UNC13C: variants seen among roughly 807,000 people sequenced by gnomAD.
The protein encoded by UNC13C is unc-13 homolog C.
UNC13C carries 174 observed loss-of-function variants against 245.4 expected under a neutral mutation model. The ratio of observed to expected loss-of-function variants is 0.71; its 90% CI spans 0.63 to 0.80. The LOEUF is 0.80. UNC13C is among the 30% of genes least tolerant of loss of function. UNC13C has a pLI of 0.00. For missense variants in UNC13C, 2,829 were observed against 2,602.9 expected (o/e 1.09, Z -1.89); for synonymous variants, 992 against 895.1 (o/e 1.11, Z -1.93).
chr15:54,167,374 C>T (rs1283598469), intron 4 of UNC13C, among the ~76,000 whole-genome samples: 1 of 150,956 alleles, frequency 6.6e-6, no homozygotes, highest in African/African-American at 2.4e-5. Context: ...TGATGGTGGG[C>T]GCCTGTAGTC....
At chr15:54,073,714 C>T (rs1418999262) in intron 2 of UNC13C, among the ~76,000 whole-genome samples, 1 of 152,128 alleles carries the variant, frequency 6.6e-6, no homozygotes, top group Non-Finnish European at 1.5e-5. Context: ...CCTTTGCCTA[C>T]TTTTTGATGG....
chr15:54,313,335 C>T (rs554574049), intron 13 of UNC13C, among the ~76,000 whole-genome samples: 1 of 151,776 alleles, frequency 6.6e-6, no homozygotes, highest in East Asian at 2.0e-4. Context: ...ACATCAATAC[C>T]TTTAGTTTAT....
intron 2 of UNC13C, among the ~76,000 whole-genome samples, chr15:54,056,420 A>G (rs1221088349): frequency 1.3e-5 from 2 of 152,190 alleles, no homozygotes; most frequent in East Asian, 3.9e-4. Context: ...AAAAAGAATA[A>G]AAAGAAATGC....
Position 54,508,118 on chromosome 15 carries a change from G to C in UNC13C, c.5379+924G>C, listed in dbSNP as rs113792972. Among the ~76,000 whole-genome samples the C allele has an allele frequency of 3.4e-3, 519 of 151,724 alleles. 3 individuals are homozygous for C. Among genetic ancestry groups the C allele is most frequent in the African/African-American group, 0.012 (495 of 41,298 alleles). On this transcript the variant is annotated intron_variant, in intron 23 of 32. Coordinates refer to ENST00000260323, the MANE Select transcript of UNC13C (RefSeq NM_001080534.3). ...CCCAGAAATTTTATTAGAACTTTTT[G>C]ACAACTCAAACAATTATTTCTTATT... is the stretch of plus-strand genomic sequence containing the variant.
intron 13 of UNC13C, among the ~76,000 whole-genome samples, chr15:54,303,210 T>C (rs79634986): frequency 0.018 from 2,774 of 152,246 alleles, 92 homozygotes; most frequent in African/African-American, 0.064. Flanking sequence ...TCAACCATAA[T>C]AGAGTCTGTG....
intron 30 of UNC13C, among the ~76,000 whole-genome samples, chr15:54,593,069 T>C (rs904210919): frequency 6.6e-6 from 1 of 152,176 alleles, no homozygotes; most frequent in African/African-American, 2.4e-5. Context: ...TATATGATGC[T>C]TGGTTTCACT....
At chr15:54,574,803 C>T (rs1179853202) in intron 30 of UNC13C, among the ~76,000 whole-genome samples, 1 of 151,994 alleles carries the variant, frequency 6.6e-6, no homozygotes, top group Non-Finnish European at 1.5e-5. Context: ...TTTTAAGTTT[C>T]TTAACATTAA....
intron 2 of UNC13C, among the ~76,000 whole-genome samples, chr15:54,125,561 C>T (rs546025953): frequency 2.5e-4 from 38 of 152,202 alleles, no homozygotes; most frequent in Admixed American, 7.9e-4. Flanking sequence ...GGTAACTTTT[C>T]CAATTCACAA....
rs142345362 is a variant in UNC13C at position 54,062,054 on chromosome 15, T to G, written c.2983+46168T>G. ...TCCATCCTCAGTCGGGCGTGGTGGCTCACACCTGTAATCCCAGCAGTTTGG... is the reference window on the plus strand; with the variant it reads ...TCCATCCTCAGTCGGGCGTGGTGGCGCACACCTGTAATCCCAGCAGTTTGG... On this transcript the variant is annotated intron_variant, in intron 2 of 32. Transcript: ENST00000260323. Among the ~76,000 whole-genome samples, 651 of 151,936 alleles carry G rather than the reference T, an allele frequency of 4.3e-3. 6 individuals are homozygous for G. The highest frequency in any genetic ancestry group is 0.015 in the African/African-American group (611 of 41,428).
rs140101913 is a variant in UNC13C at position 54,011,621 on chromosome 15, C to T, written c.-256-1027C>T. Among the ~76,000 whole-genome samples the T allele has an allele frequency of 7.0e-4, 107 of 152,210 alleles. 2 individuals carry two copies. The East Asian group carries it at 0.014, about 21-fold the overall frequency. Reference sequence around the variant, plus strand: ...CATTTTTATTAGTAGAAAATAGGTCCTGGTTTGTGTTTGTGAATGAATACC... The same window carrying T: ...CATTTTTATTAGTAGAAAATAGGTCTTGGTTTGTGTTTGTGAATGAATACC... On this transcript the variant is annotated intron_variant, in intron 1 of 32. Coordinates refer to ENST00000260323, the MANE Select transcript of UNC13C (RefSeq NM_001080534.3).
chr15:54,550,903 C>T (rs62022206), intron 28 of UNC13C, among the ~76,000 whole-genome samples: 9,574 of 152,182 alleles, frequency 0.063, 406 homozygotes, highest in Admixed American at 0.13. Context: ...ATAGGTCTTA[C>T]TACAAAAGAA....
chr15:54,147,797 T>TGTGTGTGTGTGTGA (rs2032342019), intron 4 of UNC13C, among the ~76,000 whole-genome samples: 1 of 151,570 alleles, frequency 6.6e-6, no homozygotes, highest in Non-Finnish European at 1.5e-5. Context: ...TGCGTGTGTG[T>TGTGTGTGTGTGTGA]GTGTGTGTGT....
chr15:54,007,932 C>A (rs1895215761), intron 1 of UNC13C, among the ~76,000 whole-genome samples: 1 of 152,138 alleles, frequency 6.6e-6, no homozygotes, highest in Admixed American at 6.5e-5. Flanking sequence ...TCTTCTTTGT[C>A]TGTCTTGAAA....
chr15:54,398,420 A>G (rs572163536), intron 18 of UNC13C, among the ~76,000 whole-genome samples: 1 of 151,346 alleles, frequency 6.6e-6, no homozygotes, highest in African/African-American at 2.4e-5. Flanking sequence ...ATTTTCTTAT[A>G]GTGCCTTTTT....
At position 54,264,306 on chromosome 15, in the gene UNC13C, C is replaced by A; in HGVS notation, c.3587C>A (p.Ser1196Tyr). The change falls in exon 9 of 33, where the codon TCT (serine) becomes TAT (tyrosine). Residue 1196 changes from serine (S) to tyrosine (Y), a missense_variant. By Grantham distance (144) the Ser-to-Tyr change is moderately radical. Coordinates refer to ENST00000260323, the MANE Select transcript of UNC13C (RefSeq NM_001080534.3). ...FEVIQEMFQI[S>Y]KEDFVQFTKA... is the part of the protein sequence containing the mutation. The stretch of plus-strand genomic sequence containing the variant: ...GTAATCCAGGAAATGTTTCAGATTT[C>A]TAAAGAAGATTTTGTGCAGTTTACA... The A allele has an allele frequency of 6.2e-7, 1 of 1,604,146 alleles. No homozygotes were observed.
intron 2 of UNC13C, chr15:54,049,254 T>G (rs1356492171): frequency 1.9e-6 from 1 of 521,236 alleles, no homozygotes. Context: ...ACACAGTCTG[T>G]GCATTCAGAA....
At chr15:54,241,681 A>G (rs2035855128) in intron 7 of UNC13C, among the ~76,000 whole-genome samples, 1 of 152,244 alleles carries the variant, frequency 6.6e-6, no homozygotes, top group African/African-American at 2.4e-5. Flanking sequence ...TTATGTAGAA[A>G]GCTCTTTGTT....
chr15:54,209,264 C>A (rs1468244008), intron 4 of UNC13C, among the ~76,000 whole-genome samples: 1 of 152,108 alleles, frequency 6.6e-6, no homozygotes, highest in Non-Finnish European at 1.5e-5. Context: ...TCTGTATTAA[C>A]TTTATTTGAT....
chr15:54,317,560 G>A (rs145152529), intron 13 of UNC13C, among the ~76,000 whole-genome samples: 39 of 151,914 alleles, frequency 2.6e-4, no homozygotes, highest in East Asian at 2.0e-3. Flanking sequence ...TAAGTAGTGA[G>A]CAATGTTCAA....
Sources: gnomAD v4.1 joint callset for allele counts (sites outside exome capture counted in the v4.1 genomes callset) on GRCh38, gnomAD v4.1.1 for gene constraint, MANE v1.5 for transcripts, NCBI Gene and HGNC (gene_info 2026-07-23, HGNC 2026-07-21) for gene names.